The following GPM6B variants were observed in gnomAD, a reference collection of about 807,000 sequenced individuals.
GPM6B encodes the protein glycoprotein M6B, also known as neuronal membrane glycoprotein M6-b.
A neutral mutation model predicts 27.2 loss-of-function variants in GPM6B; 4 were observed. That is an observed-to-expected ratio of 0.15 (90% CI 0.07 to 0.34). GPM6B has a LOEUF of 0.34. Among genes scored for constraint, GPM6B ranks in the 10% least tolerant of loss-of-function variants. The pLI, the probability that GPM6B is intolerant of heterozygous loss-of-function variation, is 1.00. For synonymous variants in GPM6B, 124 were observed against 103.1 expected, an observed-to-expected ratio of 1.20 and a Z score of -1.23; for missense variants, 183 against 261.9, an observed-to-expected ratio of 0.70 and a Z score of 2.08.
intron 1 of GPM6B, among the ~76,000 whole-genome samples, chrX:13,867,408 C>T (rs1322142087): frequency 8.9e-6 from 1 of 112,473 alleles, no homozygotes; most frequent in Non-Finnish European, 1.9e-5. Context: ...CTGTGCCTGG[C>T]AGGCAAGGCA....
At chrX:13,860,471 C>T (rs746428858) in intron 1 of GPM6B, among the ~76,000 whole-genome samples, 1 of 98,610 alleles carries the variant, frequency 1.0e-5, no homozygotes, top group East Asian at 3.4e-4. Context: ...CAAAGAATCA[C>T]ACAAAATAAG....
chrX:13,935,966 A>G (rs1475999724), intron 1 of GPM6B, among the ~76,000 whole-genome samples: 1 of 112,515 alleles, frequency 8.9e-6, no homozygotes, highest in Non-Finnish European at 1.9e-5. Flanking sequence ...CATTCCATTT[A>G]CCTGAACCCT....
chrX:13,918,817 C>T (rs1200258022), intron 1 of GPM6B, among the ~76,000 whole-genome samples: 1 of 111,202 alleles, frequency 9.0e-6, no homozygotes, highest in African/African-American at 3.3e-5. Flanking sequence ...AAGATCAGAG[C>T]TCATGAGAAC....
intron 1 of GPM6B, among the ~76,000 whole-genome samples, chrX:13,858,180 CA>C (rs923435070): frequency 8.9e-6 from 1 of 112,078 alleles, no homozygotes; most frequent in Non-Finnish European, 1.9e-5. Context: ...GAAACAACAA[CA>C]AAAATCCTAC....
chrX:13,849,925 G>A (rs1276219418), intron 1 of GPM6B, among the ~76,000 whole-genome samples: 2 of 110,888 alleles, frequency 1.8e-5, no homozygotes, highest in African/African-American at 3.3e-5. Context: ...CAGGCATGGT[G>A]GCACGCACCT....
At chrX:13,828,561 CAA>C (rs1569241378) in intron 1 of GPM6B, among the ~76,000 whole-genome samples, 1 of 112,021 alleles carries the variant, frequency 8.9e-6, no homozygotes. Context: ...GACTAATACG[CAA>C]AGTCATCACA....
At chrX:13,933,232 G>A (rs970168527) in intron 1 of GPM6B, among the ~76,000 whole-genome samples, 11 of 111,636 alleles carry the variant, frequency 9.9e-5, no homozygotes, top group African/African-American at 3.6e-4. Flanking sequence ...TGAATAAAAC[G>A]ATTTCTGCTC....
intron 1 of GPM6B, among the ~76,000 whole-genome samples, chrX:13,930,421 T>C (rs1921439081): frequency 9.0e-6 from 1 of 110,902 alleles, no homozygotes; most frequent in Admixed American, 9.6e-5. Context: ...GAGACCACCC[T>C]GGCTAACACG....
chrX:13,792,533 A>G (rs979186653), intron 2 of GPM6B, among the ~76,000 whole-genome samples: 6 of 110,956 alleles, frequency 5.4e-5, no homozygotes, highest in Admixed American at 3.8e-4. Context: ...TAAACCTCCT[A>G]GAATACACAG....
chrX:13,873,248 G>T (rs1216846166), intron 1 of GPM6B, among the ~76,000 whole-genome samples: 2 of 110,227 alleles, frequency 1.8e-5, no homozygotes, highest in African/African-American at 6.6e-5. Flanking sequence ...GAAGTGCTTT[G>T]CCCCCACTAC....
intron 1 of GPM6B, among the ~76,000 whole-genome samples, chrX:13,899,289 T>C (rs1207390971): frequency 9.5e-6 from 1 of 105,427 alleles, no homozygotes; most frequent in African/African-American, 3.5e-5. Context: ...TGGGCGCCTG[T>C]AATCCCAGCT....
chrX:13,903,829 G>T (rs1195198237), intron 1 of GPM6B, among the ~76,000 whole-genome samples: 1 of 111,904 alleles, frequency 8.9e-6, no homozygotes. Flanking sequence ...AGGAACAAAG[G>T]ACTAGGTGGA....
intron 1 of GPM6B, among the ~76,000 whole-genome samples, chrX:13,852,135 T>G (rs1035544794): frequency 1.8e-5 from 2 of 110,745 alleles, no homozygotes; most frequent in African/African-American, 6.6e-5. Context: ...TTAGGTTTTG[T>G]GGGCCATCTG....
intron 3 of GPM6B, among the ~76,000 whole-genome samples, chrX:13,784,474 T>A (rs2048573269): frequency 8.9e-6 from 1 of 111,956 alleles, no homozygotes; most frequent in African/African-American, 3.3e-5. Flanking sequence ...TAAGAAAGAA[T>A]AAAATTCCCT....
chrX:13,776,973 T>A (rs2048424115), intron 6 of GPM6B, among the ~76,000 whole-genome samples: 1 of 110,438 alleles, frequency 9.1e-6, no homozygotes, highest in African/African-American at 3.3e-5. Flanking sequence ...GAAAATTAAC[T>A]TACATCCGTT....
At position 13,785,926 on chromosome X, in the gene GPM6B, G is replaced by A. The variant is rs2048604650; in HGVS notation, c.182-118C>T. The A allele has an allele frequency of 7.2e-6, 4 of 553,143 alleles. No individual in the cohort carries two copies. The Admixed American group carries it at 1.5e-4, about 21-fold the overall frequency. 45.6% of individuals were successfully genotyped at this position (553,143 alleles called of 1,213,427 possible). Reference sequence around the variant, plus strand: ...TTCCATCTCCCCTCTCAGGCTCTATGGTTAATATTAATACTTCGACATCCC... The same window carrying A: ...TTCCATCTCCCCTCTCAGGCTCTATAGTTAATATTAATACTTCGACATCCC... On this transcript the variant is annotated intron_variant, in intron 2 of 7. Coordinates refer to ENST00000316715, the MANE Select transcript of GPM6B (RefSeq NM_001001995.3).
In GPM6B at chrX:13,921,789, C is replaced by T. The variant is rs756536454; in HGVS notation, c.-198+16538G>A. On this transcript the variant is annotated intron_variant, in intron 1 of 6. Transcript: ENST00000398361. ...AGACGGGGTTTCGCCATGTTGGTCA[C>T]GCTGGTCTCAAACTCCTGACCTCGT... Among the ~76,000 whole-genome samples, 86 of 110,902 alleles carry T rather than the reference C, an allele frequency of 7.8e-4. No individual in the cohort carries two copies. The Middle Eastern group carries it at 0.019, about 24-fold the overall frequency.
intron 1 of GPM6B, among the ~76,000 whole-genome samples, chrX:13,912,216 T>C (rs1040731909): frequency 4.5e-5 from 5 of 112,359 alleles, no homozygotes; most frequent in Non-Finnish European, 9.4e-5. Context: ...AACTTCTATT[T>C]CTAAAATTCA....
chrX:13,901,773 T>C (rs1351753238), intron 1 of GPM6B, among the ~76,000 whole-genome samples: 1 of 111,708 alleles, frequency 9.0e-6, no homozygotes, highest in Non-Finnish European at 1.9e-5. Context: ...CAGTAAATTC[T>C]CCTATTGATC....
Sources: allele counts gnomAD v4.1 joint callset (sites outside exome capture counted in the v4.1 genomes callset), GRCh38; gene constraint gnomAD v4.1.1; transcripts MANE v1.5; gene names NCBI Gene and HGNC (gene_info 2026-07-23, HGNC 2026-07-21).